Variants in PRH1 observed in about 807,000 individuals in gnomAD.
PRH1 encodes salivary acidic proline-rich phosphoprotein 1/2.
A neutral mutation model predicts 7.9 loss-of-function variants in PRH1; 7 were observed. That is an observed-to-expected ratio of 0.89 (90% CI 0.50 to 1.67). PRH1 has a LOEUF of 1.67. Among genes scored for constraint, PRH1 ranks in the 40% most tolerant of loss-of-function variants. The pLI, the probability that PRH1 is intolerant of heterozygous loss-of-function variation, is 0.00. For missense variants in PRH1, 109 were observed against 223.6 expected (o/e 0.49, Z 3.27); for synonymous variants, 45 against 80.8 (o/e 0.56, Z 2.38).
At chr12:11,027,041 G>A (rs1251858597) in intron 1 of PRH1, among the ~76,000 whole-genome samples, 1 of 152,254 alleles carries the variant, frequency 6.6e-6, no homozygotes, top group Non-Finnish European at 1.5e-5. Context: ...GACACGGGAA[G>A]ATCATTTGAG....
At chr12:11,097,687 G>T (rs1945103849) in intron 1 of PRH1, among the ~76,000 whole-genome samples, 1 of 114,116 alleles carries the variant, frequency 8.8e-6, no homozygotes, top group Non-Finnish European at 2.1e-5. Flanking sequence ...TCCAAATTAT[G>T]TATTTAAATA....
chr12:11,021,802 C>T (rs1328000430), intron 1 of PRH1: 2 of 1,614,130 alleles, frequency 1.2e-6, no homozygotes, highest in African/African-American at 1.3e-5. Context: ...TACAAGTTTG[C>T]TCTGCTGTGT....
chr12:11,043,487 A>G (rs1942792756), intron 1 of PRH1, among the ~76,000 whole-genome samples: 1 of 152,194 alleles, frequency 6.6e-6, no homozygotes, highest in Admixed American at 6.5e-5. Flanking sequence ...CCACATAGGA[A>G]AAGAATAAGC....
chr12:10,932,066 G>A (rs573268623), intron 2 of PRH1, among the ~76,000 whole-genome samples: 306 of 152,302 alleles, frequency 2.0e-3, no homozygotes, highest in African/African-American at 7.2e-3. Context: ...CAATGGCATA[G>A]AAAGTGTGAA....
intron 1 of PRH1, among the ~76,000 whole-genome samples, chr12:10,982,833 A>C (rs889247556): frequency 6.6e-6 from 1 of 152,208 alleles, no homozygotes; most frequent in African/African-American, 2.4e-5. Flanking sequence ...TTTTGTCAAA[A>C]CATCCTTTTT....
intron 1 of PRH1, among the ~76,000 whole-genome samples, chr12:11,126,789 C>G (rs1365467420): frequency 6.6e-6 from 1 of 152,094 alleles, no homozygotes. Flanking sequence ...TAACAGTATA[C>G]TGTAAGGCAA....
chr12:10,965,089 C>G, intron 2 of PRH1: 1 of 1,271,476 alleles, frequency 7.9e-7, no homozygotes. Context: ...TGGTTACAGC[C>G]CAGGCATTAA....
intron 1 of PRH1, among the ~76,000 whole-genome samples, chr12:10,981,362 T>C (rs960161764): frequency 7.8e-6 from 1 of 128,670 alleles, no homozygotes. Flanking sequence ...TTTTTACTTC[T>C]GGATTTTTTT....
At chr12:11,059,108 G>A (rs531944094) in intron 1 of PRH1, among the ~76,000 whole-genome samples, 3 of 152,268 alleles carry the variant, frequency 2.0e-5, no homozygotes, top group African/African-American at 7.2e-5. Context: ...GGAAACAATG[G>A]CCAATGGGAA....
At chr12:10,953,239 C>T (rs1022981339) in intron 2 of PRH1, among the ~76,000 whole-genome samples, 1 of 152,064 alleles carries the variant, frequency 6.6e-6, no homozygotes, top group Admixed American at 6.5e-5. Flanking sequence ...CTTCTTACCT[C>T]CAAATGACCA....
chr12:10,984,242 C>A (rs1255274354), intron 1 of PRH1, among the ~76,000 whole-genome samples: 2 of 152,058 alleles, frequency 1.3e-5, no homozygotes, highest in Non-Finnish European at 2.9e-5. Flanking sequence ...TAGGTACAAG[C>A]TGATTTTGAT....
At chr12:11,105,450 G>A (rs1272577973) in intron 1 of PRH1, among the ~76,000 whole-genome samples, 3 of 152,076 alleles carry the variant, frequency 2.0e-5, no homozygotes, top group African/African-American at 7.2e-5. Flanking sequence ...ATGTCAAACA[G>A]GAAAGCATCT....
intron 2 of PRH1, chr12:10,939,377 C>T: frequency 2.0e-6 from 1 of 508,624 alleles, no homozygotes; most frequent in Non-Finnish European, 3.4e-6. Context: ...GGGTTTAAAG[C>T]TCTCTTCATA....
chr12:11,064,887 G>T (rs968033802), intron 1 of PRH1, among the ~76,000 whole-genome samples: 2 of 151,928 alleles, frequency 1.3e-5, no homozygotes, highest in Non-Finnish European at 2.9e-5. Context: ...CAGCGAAACT[G>T]TGTCTACAAT....
chr12:10,985,143 G>A (rs534834411), intron 1 of PRH1, among the ~76,000 whole-genome samples: 22 of 151,956 alleles, frequency 1.4e-4, no homozygotes, highest in African/African-American at 5.3e-4. Context: ...CTCAAAAACT[G>A]GAAGAAATGA....
intron 1 of PRH1, among the ~76,000 whole-genome samples, chr12:11,158,575 A>G (rs1359421472): frequency 6.6e-6 from 1 of 152,160 alleles, no homozygotes; most frequent in Non-Finnish European, 1.5e-5. Flanking sequence ...AGGCATTATT[A>G]TAGTAGAGAC....
chr12:11,155,426 T>C (rs567304818), intron 1 of PRH1, among the ~76,000 whole-genome samples: 1 of 152,278 alleles, frequency 6.6e-6, no homozygotes, highest in Admixed American at 6.5e-5. Context: ...TAGAAACCAA[T>C]TAGGTCAGTT....
intron 2 of PRH1, among the ~76,000 whole-genome samples, chr12:10,954,611 G>A (rs1244751337): frequency 6.6e-6 from 1 of 152,136 alleles, no homozygotes; most frequent in Non-Finnish European, 1.5e-5. Context: ...GGGACCACAT[G>A]TGTGCACCAC....
At chr12:10,953,969 T>TCTTAAA (rs1937821057) in intron 2 of PRH1, among the ~76,000 whole-genome samples, 1 of 152,122 alleles carries the variant, frequency 6.6e-6, no homozygotes, top group African/African-American at 2.4e-5. Flanking sequence ...AGAAATTTTT[T>TCTTAAA]GAAAAAGAAT....
Sources: allele counts gnomAD v4.1 joint callset (sites outside exome capture counted in the v4.1 genomes callset), GRCh38; gene constraint gnomAD v4.1.1; transcripts MANE v1.5; gene names NCBI Gene and HGNC (gene_info 2026-07-23, HGNC 2026-07-21).